CELF2: variants seen among roughly 807,000 people sequenced by gnomAD.
CELF2 encodes the protein CUGBP Elav-like family member 2.
Under a neutral mutation model 62.6 loss-of-function variants are expected in CELF2, and 8 were observed. The observed-to-expected ratio is 0.13, with a 90% CI of 0.07 to 0.23. CELF2 has a LOEUF of 0.23. Among genes scored for constraint, CELF2 ranks in the 10% least tolerant of loss-of-function variants. The probability of loss-of-function intolerance (pLI) is 1.00; values close to 1 mark genes in which losing one functional copy is unlikely to be tolerated. For synonymous variants in CELF2, 258 were observed against 250.0 expected (o/e 1.03, Z -0.30); for missense variants, 333 against 671.0 (o/e 0.50, Z 5.56).
chr10:11,313,600 C>T (rs1246976449), intron 9 of CELF2, among the ~76,000 whole-genome samples: 1 of 152,158 alleles, frequency 6.6e-6, no homozygotes, highest in Non-Finnish European at 1.5e-5. Context: ...AAGTCCAGAA[C>T]ATTTTACTGG....
At chr10:10,675,137 A>C in the CELF2 span, among the ~76,000 whole-genome samples, 1 of 152,046 alleles carries the variant, frequency 6.6e-6, no homozygotes, top group African/African-American at 2.4e-5. Flanking sequence ...TTTCTCTCTA[A>C]AGTAGTTCTT....
chr10:10,521,765 C>A, the CELF2 span, among the ~76,000 whole-genome samples: 87,023 of 151,998 alleles, frequency 0.57, 25,047 homozygotes, highest in South Asian at 0.66. Context: ...AAAGACATGA[C>A]AGTTAATTTA....
intron 1 of CELF2, among the ~76,000 whole-genome samples, chr10:11,091,696 T>C (rs1045222004): frequency 5.9e-5 from 9 of 152,210 alleles, no homozygotes. Flanking sequence ...TGAACTCATT[T>C]TGTGAAATGA....
chr10:11,142,064 T>C (rs1388800241), intron 1 of CELF2, among the ~76,000 whole-genome samples: 3 of 152,236 alleles, frequency 2.0e-5, no homozygotes, highest in Non-Finnish European at 2.9e-5. Flanking sequence ...TGTTAAGTAA[T>C]ACCTTAACCA....
chr10:11,166,015 G>A (rs2133374721), intron 2 of CELF2, among the ~76,000 whole-genome samples: 1 of 152,352 alleles, frequency 6.6e-6, no homozygotes, highest in East Asian at 1.9e-4. Context: ...CCGAGGAATC[G>A]CGTTTCCCAG....
chr10:10,762,805 G>A, the CELF2 span, among the ~76,000 whole-genome samples: 353 of 152,268 alleles, frequency 2.3e-3, 1 homozygote, highest in Admixed American at 3.2e-3. Context: ...ACGTTGAGAG[G>A]CCAAGGCAGG....
At chr10:11,095,299 G>A (rs542303178) in intron 1 of CELF2, among the ~76,000 whole-genome samples, 10 of 152,324 alleles carry the variant, frequency 6.6e-5, no homozygotes, top group African/African-American at 2.2e-4. Context: ...TCATTAGAAT[G>A]AGCATCCTTG....
At position 11,328,844 on chromosome 10, in the gene CELF2, C is replaced by T; in HGVS notation, c.1439-82C>T. 8 of 1,490,858 alleles carry T rather than the reference C, an allele frequency of 5.4e-6. No individual in the cohort carries two copies. Among genetic ancestry groups the T allele is most frequent in the Non-Finnish European group, 6.3e-6 (7 of 1,106,008 alleles). 92.4% of individuals were successfully genotyped at this position (1,490,858 alleles called of 1,614,324 possible). On this transcript the variant is annotated intron_variant, in intron 12 of 12. Coordinates refer to ENST00000633077, the MANE Select transcript of CELF2 (RefSeq NM_001326342.2). The surrounding 1 kb of genome is among the most constrained non-coding windows in gnomAD (Gnocchi z 6.4). Reference sequence around the variant, plus strand: ...CTGGCACCTCATGCTGGCTCTTCAGCCTTCCCCAGAGCTCCAGCCCCCTTT... The same window carrying T: ...CTGGCACCTCATGCTGGCTCTTCAGTCTTCCCCAGAGCTCCAGCCCCCTTT...
intron 5 of CELF2, among the ~76,000 whole-genome samples, chr10:11,259,948 C>T (rs1476179649): frequency 6.6e-6 from 1 of 152,206 alleles, no homozygotes; most frequent in Non-Finnish European, 1.5e-5. Flanking sequence ...CTCAGTCACA[C>T]TTCAGTGTTA....
intron 2 of CELF2, chr10:10,927,354 A>AAAAACAAC (rs1481763062): frequency 8.8e-5 from 13 of 148,338 alleles, no homozygotes; most frequent in South Asian, 2.1e-4. Flanking sequence ...ATTAAAAAAA[A>AAAAACAAC]AAAAAAAAAA....
In CELF2 at chr10:11,156,550, GC is replaced by G. The variant is rs1228395179; in HGVS notation, c.75-8933del. ...AGGCTTACTTATTTGCCTATTTCAT[GC>G]CCACTCTAGAATATAACTCCGTGAA... On this transcript the variant is annotated intron_variant, in intron 1 of 12. Coordinates refer to ENST00000633077, the MANE Select transcript of CELF2 (RefSeq NM_001326342.2). The surrounding 1 kb of genome is among the most constrained non-coding windows in gnomAD (Gnocchi z 4.3). Among the ~76,000 whole-genome samples, 1 of 152,014 alleles carries G rather than the reference GC, an allele frequency of 6.6e-6. No homozygotes were observed. The highest frequency in any genetic ancestry group is 2.4e-5 in the African/African-American group (1 of 41,344).
Position 10,934,872 on chromosome 10 carries a change from C to T in CELF2, c.89+14873C>T, listed in dbSNP as rs2066465270. 6.6e-6 allele frequency: 1 copy of T among 152,080 alleles called. No individual in the cohort carries two copies. The highest frequency in any genetic ancestry group is 2.4e-5 in the African/African-American group (1 of 41,390). 9.4% of individuals were successfully genotyped at this position (152,080 alleles called of 1,614,324 possible). A position where few individuals can be genotyped will look rare whatever the true frequency, so the allele number is the denominator to read the frequency against. On this transcript the variant is annotated intron_variant, in intron 2 of 13. Coordinates refer to the CELF2 transcript ENST00000636488. This position sits in a 1 kb window ranked among gnomAD's most constrained non-coding sequence, Gnocchi z 4.4. ...TGTCTTATCCTGGTGACATTCCCTG[C>T]TAAATTAGACAAGATGCAAATTTGA...
At chr10:10,877,869 G>A (rs186705339) in intron 1 of CELF2, among the ~76,000 whole-genome samples, 6 of 152,102 alleles carry the variant, frequency 3.9e-5, no homozygotes, top group Non-Finnish European at 5.9e-5. Flanking sequence ...CAAGCCTGGC[G>A]TAGCCTCTGA....
At chr10:10,598,553 G>A in the CELF2 span, among the ~76,000 whole-genome samples, 5 of 152,092 alleles carry the variant, frequency 3.3e-5, no homozygotes, top group Admixed American at 2.6e-4. Context: ...CCTGGCTGCG[G>A]TTACAGAGAC....
the CELF2 span, among the ~76,000 whole-genome samples, chr10:10,583,696 C>T: frequency 2.0e-5 from 3 of 152,122 alleles, no homozygotes; most frequent in African/African-American, 7.2e-5. Flanking sequence ...AATATACTTA[C>T]AGAATGTGAC....
intron 1 of CELF2, among the ~76,000 whole-genome samples, chr10:10,877,407 G>A (rs564725871): frequency 9.2e-5 from 14 of 152,340 alleles, no homozygotes; most frequent in South Asian, 6.2e-4. Flanking sequence ...GCCCAGAAAG[G>A]CAGGACAACG....
chr10:10,701,366 T>A, the CELF2 span, among the ~76,000 whole-genome samples: 10 of 152,350 alleles, frequency 6.6e-5, no homozygotes, highest in African/African-American at 2.4e-4. Context: ...AGAGCCTGGT[T>A]AAAAATAGAT....
intron 4 of CELF2, among the ~76,000 whole-genome samples, chr10:11,257,351 A>G (rs1186590926): frequency 3.3e-5 from 5 of 150,616 alleles, no homozygotes; most frequent in Non-Finnish European, 7.4e-5. Context: ...AAAAAAAAAA[A>G]AAAAACAGAA....
intron 8 of CELF2, among the ~76,000 whole-genome samples, chr10:11,287,499 C>T (rs1320706114): frequency 6.6e-6 from 1 of 152,218 alleles, no homozygotes; most frequent in Non-Finnish European, 1.5e-5. Context: ...TGCTAATTTT[C>T]ATTTCTATTT....
Sources: gnomAD v4.1 joint callset for allele counts (sites outside exome capture counted in the v4.1 genomes callset) on GRCh38, gnomAD v4.1.1 for gene constraint, Gnocchi (gnomAD v3.1) non-coding constraint, MANE v1.5 for transcripts, NCBI Gene and HGNC (gene_info 2026-07-23, HGNC 2026-07-21) for gene names.